The following CCDC141 variants were observed in gnomAD, a reference collection of about 807,000 sequenced individuals.
The protein encoded by CCDC141 is coiled-coil domain containing 141.
In CCDC141, 168 loss-of-function variants were observed where a neutral mutation model predicts 181.0. The observed-to-expected ratio is 0.93, with a 90% CI of 0.82 to 1.05. The LOEUF (loss-of-function observed/expected upper bound fraction) is 1.05, where lower values mean the gene tolerates loss of function less well. Ranked by LOEUF, CCDC141 falls within the 50% of genes least tolerant of loss-of-function variation. The probability of loss-of-function intolerance (pLI) is 0.00; values close to 1 mark genes in which losing one functional copy is unlikely to be tolerated. For synonymous variants in CCDC141, 666 were observed against 642.3 expected (o/e 1.04, Z -0.56); for missense variants, 1,902 against 1,788.5 (o/e 1.06, Z -1.14).
At chr2:178,988,777 C>G (rs1691885643) in intron 2 of CCDC141, among the ~76,000 whole-genome samples, 1 of 152,038 alleles carries the variant, frequency 6.6e-6, no homozygotes, top group Non-Finnish European at 1.5e-5. Context: ...CAACAGTAAT[C>G]AAAATGGTGT....
intron 2 of CCDC141, among the ~76,000 whole-genome samples, chr2:179,046,731 G>A (rs966237790): frequency 2.1e-4 from 32 of 152,072 alleles, no homozygotes; most frequent in African/African-American, 7.2e-4. Flanking sequence ...GATCTTACCT[G>A]GCCTTTATCT....
chr2:178,824,475 T>G, the CCDC141 span, among the ~76,000 whole-genome samples: 1 of 151,882 alleles, frequency 6.6e-6, no homozygotes, highest in Non-Finnish European at 1.5e-5. Context: ...GCACAAAAAT[T>G]AGCCAGCATG....
At position 178,834,306 on chromosome 2, in the gene CCDC141, C is replaced by T. The variant is rs2154365508; in HGVS notation, c.4460G>A (p.Ser1487Asn). 1 of 1,535,954 alleles carries T rather than the reference C, an allele frequency of 6.5e-7. No individual in the cohort carries two copies. The highest frequency in any genetic ancestry group is 2.0e-5 in the Admixed American group (1 of 50,964). Residue 1487 changes from serine (S) to asparagine (N), a missense_variant, in exon 24 of 24, where the codon AGC (serine) becomes AAC (asparagine). Ser to Asn is a conservative substitution (Grantham distance 46, BLOSUM62 1). Coordinates refer to ENST00000443758, the MANE Select transcript of CCDC141 (RefSeq NM_173648.4). ...GLYVARAQNS[S>N]GALSSNVILH... is the part of the protein sequence containing the mutation. Reference sequence around the variant, plus strand: ...GATGACATTGGAAGAGAGAGCGCCGCTAGAGTTTTGGGCCCGAGCCACATA... The same window carrying T: ...GATGACATTGGAAGAGAGAGCGCCGTTAGAGTTTTGGGCCCGAGCCACATA...
chr2:178,820,218 T>C, the CCDC141 span, among the ~76,000 whole-genome samples: 2 of 152,166 alleles, frequency 1.3e-5, no homozygotes, highest in African/African-American at 4.8e-5. Context: ...CAAGGTACTA[T>C]TTTTACTCTT....
At chr2:179,029,673 C>A (rs2042950547) in intron 2 of CCDC141, among the ~76,000 whole-genome samples, 1 of 152,080 alleles carries the variant, frequency 6.6e-6, no homozygotes, top group African/African-American at 2.4e-5. Flanking sequence ...ATCCTATTTG[C>A]AAGCTTAGCT....
rs1420021285 is a variant in CCDC141 at position 178,962,629 on chromosome 2, T to TC, written c.527-1147dup. Among the ~76,000 whole-genome samples the TC allele has an allele frequency of 3.6e-4, 49 of 136,586 alleles. 1 individual carries two copies. In the South Asian group the frequency reaches 0.011, roughly 31 times the overall value. 89.6% of individuals were successfully genotyped at this position (136,586 alleles called of 152,430 possible). A position where few individuals can be genotyped will look rare whatever the true frequency, so the allele number is the denominator to read the frequency against. Reference sequence around the variant, plus strand: ...CTTTTCTTTCTTTTCCTTCTTTCCTTCTTTCTTTCCTTTCCTTCTTTCTTT... The same window carrying TC: ...CTTTTCTTTCTTTTCCTTCTTTCCTTCCTTTCTTTCCTTTCCTTCTTTCTTT... On this transcript the variant is annotated intron_variant, in intron 4 of 23. Transcript: ENST00000443758.
intron 23 of CCDC141, among the ~76,000 whole-genome samples, chr2:178,834,753 A>AT (rs934088322): frequency 1.3e-5 from 2 of 150,814 alleles, no homozygotes; most frequent in African/African-American, 4.9e-5. Context: ...TTTATTTTTT[A>AT]TTTTTTTTAA....
intron 2 of CCDC141, among the ~76,000 whole-genome samples, chr2:179,015,372 CAT>C (rs200905397): frequency 0.01 from 1,306 of 126,298 alleles, 93 homozygotes; most frequent in Admixed American, 0.071. Flanking sequence ...ATATATGTAT[CAT>C]ATATATCTCA....
chr2:179,027,021 G>T (rs1255640923), intron 2 of CCDC141, among the ~76,000 whole-genome samples: 2 of 152,194 alleles, frequency 1.3e-5, no homozygotes, highest in East Asian at 3.9e-4. Context: ...GATTTTACAG[G>T]CCATAGGTGT....
At position 178,919,179 on chromosome 2, in the gene CCDC141, C is replaced by T. The variant is rs181327067; in HGVS notation, c.898-272G>A. Among the ~76,000 whole-genome samples the T allele has an allele frequency of 7.2e-5, 11 of 152,296 alleles. No individual in the cohort carries two copies. In the East Asian group the frequency reaches 1.7e-3, roughly 24 times the overall value. On this transcript the variant is annotated intron_variant, in intron 6 of 23. Transcript: ENST00000443758. ...GTGCTGGCACCCTGATCTCAAACTT[C>T]TCACACCCAGGACAATGAGACATAA...
At chr2:178,836,744 G>T in intron 23 of CCDC141, 150 bp downstream of exon 23, 1 of 759,282 alleles carries the variant, frequency 1.3e-6, no homozygotes, top group Non-Finnish European at 2.1e-6. Flanking sequence ...AAAATGAGAG[G>T]GGTCTGATGT....
At chr2:178,900,494 A>T (rs1687632087) in intron 8 of CCDC141, among the ~76,000 whole-genome samples, 1 of 152,124 alleles carries the variant, frequency 6.6e-6, no homozygotes, top group Non-Finnish European at 1.5e-5. Flanking sequence ...TCCATTTCAT[A>T]GAGTTTTTTG....
At chr2:178,928,825 A>G (rs1387004358) in intron 6 of CCDC141, among the ~76,000 whole-genome samples, 10 of 152,198 alleles carry the variant, frequency 6.6e-5, no homozygotes, top group Non-Finnish European at 2.9e-5. Context: ...CTAAGCTTTA[A>G]ATTGAGCTGC....
intron 6 of CCDC141, among the ~76,000 whole-genome samples, chr2:178,943,140 G>T (rs562360354): frequency 2.6e-5 from 4 of 152,226 alleles, no homozygotes; most frequent in Admixed American, 2.6e-4. Flanking sequence ...CAATTCTGGT[G>T]ATCTCTTGTG....
At chr2:178,870,231 C>CAAAAAAAAAAAAAA (rs34625707) in intron 14 of CCDC141, among the ~76,000 whole-genome samples, 2 of 60,290 alleles carry the variant, frequency 3.3e-5, no homozygotes, top group Non-Finnish European at 6.3e-5. Context: ...GACTCTGTCT[C>CAAAAAAAAAAAAAA]AAAAAAAAAA....
At chr2:179,006,693 A>C (rs2042132390) in intron 2 of CCDC141, among the ~76,000 whole-genome samples, 1 of 152,192 alleles carries the variant, frequency 6.6e-6, no homozygotes, top group Non-Finnish European at 1.5e-5. Flanking sequence ...GAGACATATA[A>C]TATCTAAGAC....
Position 178,837,656 on chromosome 2 carries a change from T to A in CCDC141, c.3563A>T (p.Glu1188Val). The A allele has an allele frequency of 6.2e-7, 1 of 1,614,046 alleles. No homozygotes were observed. Among genetic ancestry groups the A allele is most frequent in the Non-Finnish European group, 8.5e-7 (1 of 1,179,964 alleles). The change falls in exon 23 of 24, where the codon GAG becomes GTG. Residue 1188 changes from glutamate to valine, a missense_variant. Physicochemically the swap from Glu to Val is moderately radical, Grantham distance 121. Transcript: ENST00000443758. ...PQDLKVSTDK[E>V]GGVQDLLLPE... ...CAGGAGCAGGTCCTGGACGCCACCC[T>A]CCTTGTCAGTGGACACCTTCAGGTC...
At chr2:178,881,344 G>A (rs1449950024) in intron 11 of CCDC141, among the ~76,000 whole-genome samples, 1 of 152,068 alleles carries the variant, frequency 6.6e-6, no homozygotes, top group East Asian at 1.9e-4. Flanking sequence ...TATGGTGGTT[G>A]CATGATTCTA....
In CCDC141 at chr2:178,831,015, A is replaced by C. The variant is rs987303071; in HGVS notation, c.*3158T>G. On this transcript the variant is annotated 3_prime_UTR_variant, in exon 24 of 24. Coordinates refer to ENST00000443758, the MANE Select transcript of CCDC141 (RefSeq NM_173648.4). ...CTATGAACTACTTGAGGAAATTTAAATTTGAGCAAAGCAGTTAGAAGGGTC... is the reference window on the plus strand; with the variant it reads ...CTATGAACTACTTGAGGAAATTTAACTTTGAGCAAAGCAGTTAGAAGGGTC... The C allele has an allele frequency of 3.9e-5, 6 of 152,198 alleles. No homozygotes were observed. Among genetic ancestry groups the C allele is most frequent in the African/African-American group, 1.4e-4 (6 of 41,446 alleles). The allele number at this position is 152,198 out of a possible 1,614,324, so 9.4% of individuals were successfully genotyped here.
Sources: gnomAD v4.1 joint callset for allele counts (sites outside exome capture counted in the v4.1 genomes callset) on GRCh38, gnomAD v4.1.1 for gene constraint, MANE v1.5 for transcripts, NCBI Gene and HGNC (gene_info 2026-07-23, HGNC 2026-07-21) for gene names.